Variants in ZNF202 observed in about 807,000 individuals in gnomAD.
ZNF202 encodes the protein zinc finger protein with KRAB and SCAN domains 10.
In ZNF202, 22 loss-of-function variants were observed where a neutral mutation model predicts 54.5. That is an observed-to-expected ratio of 0.40 (90% CI 0.29 to 0.58). The LOEUF is 0.58. ZNF202 is among the 20% of genes least tolerant of loss of function. The probability of loss-of-function intolerance (pLI) is 0.39; values close to 1 mark genes in which losing one functional copy is unlikely to be tolerated. For missense variants in ZNF202, 644 were observed against 805.5 expected, an observed-to-expected ratio of 0.80 and a Z score of 2.43; for synonymous variants, 294 against 301.4, an observed-to-expected ratio of 0.98 and a Z score of 0.26.
intron 3 of ZNF202, among the ~76,000 whole-genome samples, chr11:123,733,183 G>A (rs184139094): frequency 4.6e-5 from 7 of 152,212 alleles, no homozygotes; most frequent in African/African-American, 1.7e-4. Flanking sequence ...CAAGGTTATC[G>A]ATCCACTCTT....
chr11:123,726,283 G>A lies in ZNF202; in HGVS notation c.1661C>T (p.Ala554Val), dbSNP rs370787823. Residue 554 changes from alanine (A) to valine (V), a missense_variant, in exon 9 of 9, where the codon GCG (alanine) becomes GTG (valine). Transcript: ENST00000530393. This position sits in a 1 kb window ranked among gnomAD's most constrained non-coding sequence, Gnocchi z 6.0. ...CTCAGCAGCGTGCGTCTTCCGGTGCGCCAGGTACCGCCTGTGTTCACTGAA... is the reference window on the plus strand; with the variant it reads ...CTCAGCAGCGTGCGTCTTCCGGTGCACCAGGTACCGCCTGTGTTCACTGAA... Reference protein sequence around the residue: ...EDFSEHRRYLAHRKTHAAEEL... With the variant: ...EDFSEHRRYLVHRKTHAAEEL... 2.5e-5 allele frequency: 40 copies of A among 1,614,084 alleles called. No homozygotes were observed. Among genetic ancestry groups the A allele is most frequent in the Admixed American group, 1.3e-4 (8 of 60,004 alleles).
intron 3 of ZNF202, among the ~76,000 whole-genome samples, chr11:123,735,719 A>G (rs535571872): frequency 2.0e-5 from 3 of 152,334 alleles, no homozygotes; most frequent in African/African-American, 7.2e-5. Context: ...CTCCTAACTC[A>G]GTGATTATCT....
chr11:123,726,521 G>C lies in ZNF202; in HGVS notation c.1423C>G (p.Pro475Ala). ...CATCTATAGGGTTTCTCCACTGATGGAGTTCTCTCAGCCTGTGTCACAGGG... is the reference window on the plus strand; with the variant it reads ...CATCTATAGGGTTTCTCCACTGATGCAGTTCTCTCAGCCTGTGTCACAGGG... ...TSPVTQAERT[P>A]SVEKPYRCDD... The change falls in exon 9 of 9, where the codon CCA (proline) becomes GCA (alanine). Residue 475 changes from proline (P) to alanine (A), a missense_variant. Coordinates refer to ENST00000530393, the MANE Select transcript of ZNF202 (RefSeq NM_003455.4). This position sits in a 1 kb window ranked among gnomAD's most constrained non-coding sequence, Gnocchi z 6.0. The C allele has an allele frequency of 1.2e-6, 2 of 1,614,216 alleles. No homozygotes were observed. The highest frequency in any genetic ancestry group is 1.7e-6 in the Non-Finnish European group (2 of 1,180,020).
intron 3 of ZNF202, among the ~76,000 whole-genome samples, chr11:123,734,063 C>A (rs532682615): frequency 4.9e-4 from 74 of 152,210 alleles, no homozygotes; most frequent in Non-Finnish European, 6.3e-4. Flanking sequence ...CTTTTTCCTT[C>A]TGGAACCTAT....
In ZNF202 at chr11:123,726,885, A is replaced by G. The variant is rs375056728; in HGVS notation, c.1059T>C (p.Asp353=). Residue 353 remains aspartate (D), a synonymous_variant, in exon 9 of 9, where the codon GAT becomes GAC. Transcript: ENST00000530393. The surrounding 1 kb of genome is among the most constrained non-coding windows in gnomAD (Gnocchi z 6.0). The part of the protein sequence containing the change: ...LGEPEIHQTP[D]WEIVFEDNPG... Reference sequence around the variant, plus strand: ...GATTGTCCTCAAAGACTATTTCCCAATCTGGAGTCTGGTGAATTTCTGGTT... The same window carrying G: ...GATTGTCCTCAAAGACTATTTCCCAGTCTGGAGTCTGGTGAATTTCTGGTT... The G allele has an allele frequency of 5.6e-6, 9 of 1,614,196 alleles. No individual in the cohort carries two copies. The African/African-American group carries it at 1.1e-4, about 19-fold the overall frequency.
Position 123,726,659 on chromosome 11 carries a change from C to A in ZNF202, c.1285G>T (p.Glu429Ter). Residue 429 changes from glutamate (E) to a stop codon, truncating the protein, a stop_gained, in exon 9 of 9, where the codon GAA becomes TAA. Coordinates refer to ENST00000530393, the MANE Select transcript of ZNF202 (RefSeq NM_003455.4). LOFTEE classifies it high-confidence loss of function. This position sits in a 1 kb window ranked among gnomAD's most constrained non-coding sequence, Gnocchi z 6.0. ...CTTCGTGTGTAACTTTTTCCACATT[C>A]CATACATTTATAGGGTTTCTCTCCT... ...HTGEKPYKCMECGKSYTRSSH... is the reference protein window; with the variant it reads ...HTGEKPYKCM The A allele has an allele frequency of 6.2e-7, 1 of 1,614,140 alleles. No individual in the cohort carries two copies.
chr11:123,727,276 G>T (rs983694627), intron 8 of ZNF202, among the ~76,000 whole-genome samples, 200 bp downstream of exon 8: 1 of 152,178 alleles, frequency 6.6e-6, no homozygotes, highest in African/African-American at 2.4e-5. Flanking sequence ...TCACCCTTTT[G>T]TATTACATTG....
intron 3 of ZNF202, among the ~76,000 whole-genome samples, chr11:123,734,515 T>C (rs1335037820): frequency 6.6e-6 from 1 of 152,198 alleles, no homozygotes; most frequent in South Asian, 2.1e-4. Flanking sequence ...GTTAACTCTA[T>C]CCATCTTTCA....
chr11:123,729,902 G>A, intron 4 of ZNF202, 77 bp from the exon 5 acceptor site: 1 of 1,442,390 alleles, frequency 6.9e-7, no homozygotes, highest in Non-Finnish European at 9.3e-7. Flanking sequence ...TATTTTAGGA[G>A]AAGATGCCTA....
At position 123,729,153 on chromosome 11, in the gene ZNF202, C is replaced by T; in HGVS notation, c.675G>A (p.Met225Ile). 1 of 1,613,962 alleles carries T rather than the reference C, an allele frequency of 6.2e-7. No homozygotes were observed. The highest frequency in any genetic ancestry group is 1.7e-5 in the Admixed American group (1 of 60,022). ...GTGACAGAGCAGTAAGAAGAGCAAC[C>T]ATCTCTGAGTCTCCAGAGCTCCTCT... ...PAERSSGDSEMVALLTALSQG... is the reference protein window; with the variant it reads ...PAERSSGDSEIVALLTALSQG... The change falls in exon 6 of 9, where the codon ATG becomes ATA. Residue 225 changes from methionine (M) to isoleucine (I), a missense_variant. This residue lies in a region of ZNF202 where 536 missense variants were observed against 635.3 expected (regional missense o/e 0.84). Coordinates refer to ENST00000530393, the MANE Select transcript of ZNF202 (RefSeq NM_003455.4).
chr11:123,727,657 G>T (rs963932232), intron 7 of ZNF202, 62 bp from the exon 8 acceptor site: 2 of 1,597,364 alleles, frequency 1.3e-6, no homozygotes, highest in African/African-American at 1.3e-5. Flanking sequence ...TGTTAAGAGC[G>T]GTCCTTTTCT....
intron 3 of ZNF202, among the ~76,000 whole-genome samples, chr11:123,734,600 T>A (rs754844924): frequency 4.6e-5 from 7 of 152,164 alleles, no homozygotes; most frequent in Admixed American, 1.3e-4. Flanking sequence ...TCTCCCCCTA[T>A]CACAGCATGC....
rs1359599734 is a variant in ZNF202, at chr11:123,726,866, C to A, written c.1078G>T (p.Asp360Tyr). ...QTPDWEIVFE[D>Y]NPGRLNERRF... ...CTTTCATTAAGTCTACCTGGATTGT[C>A]CTCAAAGACTATTTCCCAATCTGGA... The change falls in exon 9 of 9, where the codon GAC becomes TAC. Residue 360 changes from aspartate to tyrosine, a missense_variant. Asp to Tyr is a radical substitution (Grantham distance 160). Around this residue, in one of 3 missense-constraint regions of ZNF202, gnomAD observed 536 missense variants for 635.3 expected, o/e 0.84. Coordinates refer to ENST00000530393, the MANE Select transcript of ZNF202 (RefSeq NM_003455.4). This position sits in a 1 kb window ranked among gnomAD's most constrained non-coding sequence, Gnocchi z 6.0. 1.2e-6 allele frequency: 2 copies of A among 1,614,090 alleles called. No individual in the cohort carries two copies. Among genetic ancestry groups the A allele is most frequent in the Non-Finnish European group, 1.7e-6 (2 of 1,180,052 alleles).
intron 3 of ZNF202, among the ~76,000 whole-genome samples, chr11:123,737,469 A>G (rs1326125148): frequency 6.6e-6 from 1 of 152,182 alleles, no homozygotes. Flanking sequence ...GAGGTTCCAA[A>G]GAAAGACAAT....
rs756462916 is a variant in ZNF202, at chr11:123,729,830, G to A, written c.403-5C>T. The A allele has an allele frequency of 5.7e-6, 9 of 1,591,230 alleles. No individual in the cohort carries two copies. The highest frequency in any genetic ancestry group is 7.7e-6 in the Non-Finnish European group (9 of 1,170,034). On this transcript the variant is annotated splice_region_variant and splice_polypyrimidine_tract_variant and intron_variant, in intron 4 of 8. Transcript: ENST00000530393. ...GCCGTGAACATGGACAGTCACCTGG[G>A]AATAATTCCAACTTCCAGTCACCAT...
At chr11:123,740,788 G>T (rs146569417) in intron 1 of ZNF202, among the ~76,000 whole-genome samples, 6 of 152,162 alleles carry the variant, frequency 3.9e-5, no homozygotes, top group Non-Finnish European at 8.8e-5. Context: ...CCTATCCATG[G>T]CACAAAAACA....
At chr11:123,735,858 C>T (rs1053009070) in intron 3 of ZNF202, among the ~76,000 whole-genome samples, 11 of 152,194 alleles carry the variant, frequency 7.2e-5, no homozygotes, top group African/African-American at 2.7e-4. Context: ...GTATACCTTG[C>T]AATTTGTTGC....
At position 123,733,554 on chromosome 11, in the gene ZNF202, A is replaced by G. The variant is rs1029756339; in HGVS notation, c.-97-2569T>C. ...TTTCTTCCTAAGTGCTAATGGTTTC[A>G]ATGATCTTGGACAGTTTGCTTTTTT... On this transcript the variant is annotated intron_variant, in intron 3 of 8. Transcript: ENST00000530393. Among the ~76,000 whole-genome samples, 105 of 152,094 alleles carry G rather than the reference A, an allele frequency of 6.9e-4. 1 individual carries two copies. The highest frequency in any genetic ancestry group is 2.5e-3 in the African/African-American group (103 of 41,398).
chr11:123,725,943 C>T lies in ZNF202; in HGVS notation c.*54G>A. ...GGCTGACAAGAGGGCTTTTCCTCTT[C>T]CTCACCTCCCTTAGGTGAGGGCTGA... On this transcript the variant is annotated 3_prime_UTR_variant, in exon 9 of 9. Transcript: ENST00000530393. 2 of 1,544,550 alleles carry T rather than the reference C, an allele frequency of 1.3e-6. No individual in the cohort carries two copies. Among genetic ancestry groups the T allele is most frequent in the Non-Finnish European group, 1.7e-6 (2 of 1,147,886 alleles).
Sources: gnomAD v4.1 joint callset for allele counts (sites outside exome capture counted in the v4.1 genomes callset) on GRCh38, gnomAD v4.1.1 for gene constraint, gnomAD v4.1.1 regional missense constraint, Gnocchi (gnomAD v3.1) non-coding constraint, MANE v1.5 for transcripts, NCBI Gene and HGNC (gene_info 2026-07-23, HGNC 2026-07-21) for gene names.